Variants in SEMA6A observed in about 807,000 individuals in gnomAD.
SEMA6A encodes the protein semaphorin 6A.
In SEMA6A, 25 loss-of-function variants were observed where a neutral mutation model predicts 96.8. That is an observed-to-expected ratio of 0.26 (90% CI 0.19 to 0.36). SEMA6A has a LOEUF of 0.36. SEMA6A is among the 10% of genes least tolerant of loss of function. The probability of loss-of-function intolerance (pLI) is 1.00; values close to 1 mark genes in which losing one functional copy is unlikely to be tolerated. For missense variants in SEMA6A, 1,363 were observed against 1,323.1 expected (o/e 1.03, Z -0.47); for synonymous variants, 612 against 518.0 (o/e 1.18, Z -2.46).
At chr5:116,512,610 G>GT (rs1430447558) in intron 1 of SEMA6A, among the ~76,000 whole-genome samples, 1 of 152,192 alleles carries the variant, frequency 6.6e-6, no homozygotes, top group Non-Finnish European at 1.5e-5. Context: ...AAGGTTGGTT[G>GT]TATACGTATT....
At position 116,478,646 on chromosome 5, in the gene SEMA6A, TCCCA is replaced by T; in HGVS notation, c.1319_1322del (p.Leu440HisfsTer8). 1 of 1,613,772 alleles carries T rather than the reference TCCCA, an allele frequency of 6.2e-7. No individual in the cohort carries two copies. Among genetic ancestry groups the T allele is most frequent in the Non-Finnish European group, 8.5e-7 (1 of 1,179,832 alleles). On this transcript the variant is annotated frameshift_variant, in exon 13 of 19. Coordinates refer to ENST00000343348, the MANE Select transcript of SEMA6A (RefSeq NM_020796.5). LOFTEE classifies it high-confidence loss of function. ...ACTTCAAGATGATTCCCTTCTCTGA[TCCCA>T]GAAAAACCACAGTGTGATTCTGATA...
intron 13 of SEMA6A, 168 bp from the exon 14 acceptor site, chr5:116,478,322 A>G: frequency 1.3e-6 from 1 of 788,076 alleles, no homozygotes; most frequent in Non-Finnish European, 2.0e-6. Flanking sequence ...ATGTATATGT[A>G]TCTATATAAA....
At chr5:116,483,019 G>T (rs1756866945) in intron 10 of SEMA6A, among the ~76,000 whole-genome samples, 2 of 152,124 alleles carry the variant, frequency 1.3e-5, no homozygotes, top group African/African-American at 4.8e-5. Flanking sequence ...TTTGAATTTG[G>T]TTTTTCGAGC....
At chr5:116,538,840 C>T (rs1759837740) in intron 1 of SEMA6A, among the ~76,000 whole-genome samples, 2 of 152,186 alleles carry the variant, frequency 1.3e-5, no homozygotes, top group African/African-American at 2.4e-5. Flanking sequence ...TGCAATACCC[C>T]TGGCCTATTC....
At chr5:116,535,819 C>CA (rs764997102) in intron 1 of SEMA6A, among the ~76,000 whole-genome samples, 75 of 152,208 alleles carry the variant, frequency 4.9e-4, no homozygotes, top group Non-Finnish European at 7.2e-4. Context: ...TTCAACAATT[C>CA]AGATTTTCAT....
intron 6 of SEMA6A, among the ~76,000 whole-genome samples, chr5:116,495,187 T>C (rs1259535554): frequency 6.6e-6 from 1 of 152,200 alleles, no homozygotes; most frequent in Non-Finnish European, 1.5e-5. Flanking sequence ...TTACAGAAAC[T>C]AACTTTGCTA....
At chr5:116,563,028 C>T (rs1211366013) in intron 1 of SEMA6A, 1 of 482,886 alleles carries the variant, frequency 2.1e-6, no homozygotes, top group Non-Finnish European at 4.0e-6. Flanking sequence ...GACAAGACTC[C>T]TCAAAATATT....
intron 18 of SEMA6A, among the ~76,000 whole-genome samples, chr5:116,452,191 TC>T: frequency 6.6e-6 from 1 of 152,326 alleles, no homozygotes; most frequent in South Asian, 2.1e-4. Context: ...AACCCCTGCA[TC>T]CTCTTCTGCT....
At chr5:116,547,483 TAAGGTGAA>T (rs1433345429) in intron 1 of SEMA6A, among the ~76,000 whole-genome samples, 2 of 152,162 alleles carry the variant, frequency 1.3e-5, no homozygotes, top group Non-Finnish European at 2.9e-5. Context: ...GACACATTAT[TAAGGTGAA>T]AAGGCCAGTA....
At chr5:116,530,254 G>A (rs1759406553) in intron 1 of SEMA6A, among the ~76,000 whole-genome samples, 1 of 152,134 alleles carries the variant, frequency 6.6e-6, no homozygotes, top group Admixed American at 6.5e-5. Context: ...ATTGCTTCCA[G>A]TAATTAGTAA....
At chr5:116,491,668 C>G (rs1757331947) in intron 7 of SEMA6A, 72 bp downstream of exon 7, 1 of 1,140,536 alleles carries the variant, frequency 8.8e-7, no homozygotes, top group Non-Finnish European at 1.3e-6. Context: ...CACGAATCCT[C>G]TAGAGCAGAT....
At chr5:116,520,117 G>C (rs1758864865) in intron 1 of SEMA6A, among the ~76,000 whole-genome samples, 1 of 152,024 alleles carries the variant, frequency 6.6e-6, no homozygotes, top group African/African-American at 2.4e-5. Context: ...CCTGTGCCTT[G>C]CTTTCCTCAA....
chr5:116,470,878 C>G (rs1408067613), intron 17 of SEMA6A, among the ~76,000 whole-genome samples: 1 of 152,178 alleles, frequency 6.6e-6, no homozygotes, highest in Non-Finnish European at 1.5e-5. Context: ...TATATCCATG[C>G]TCATACAATT....
At chr5:116,462,156 C>T (rs154555) in intron 18 of SEMA6A, among the ~76,000 whole-genome samples, 1 of 151,916 alleles carries the variant, frequency 6.6e-6, no homozygotes, top group South Asian at 2.1e-4. Context: ...AAATCCATTA[C>T]ATTTTAAGCA....
intron 1 of SEMA6A, among the ~76,000 whole-genome samples, chr5:116,511,022 A>G (rs1239570917): frequency 1.3e-5 from 2 of 152,206 alleles, no homozygotes; most frequent in African/African-American, 4.8e-5. Context: ...GTAAACTGCA[A>G]TTCAGGGAGG....
chr5:116,496,199 G>A (rs529645534), intron 5 of SEMA6A, 52 bp downstream of exon 5: 1 of 1,459,310 alleles, frequency 6.9e-7, no homozygotes, highest in East Asian at 2.3e-5. Flanking sequence ...GGAGATAACA[G>A]TCAAAAACTT....
chr5:116,469,890 AAT>A (rs1156518518), intron 17 of SEMA6A, among the ~76,000 whole-genome samples: 1 of 152,248 alleles, frequency 6.6e-6, no homozygotes, highest in Non-Finnish European at 1.5e-5. Flanking sequence ...GTTTTACACA[AAT>A]ATGAGAAATC....
intron 1 of SEMA6A, among the ~76,000 whole-genome samples, chr5:116,505,826 C>A (rs185361980): frequency 6.6e-6 from 1 of 151,244 alleles, no homozygotes; most frequent in African/African-American, 2.4e-5. Flanking sequence ...CAGAAAAATT[C>A]TCCTAAATCT....
In SEMA6A at chr5:116,457,502, A is replaced by AAAT. The variant is rs1329396031; in HGVS notation, c.1895-9694_1895-9692dup. 2.6e-5 allele frequency among the ~76,000 whole-genome samples: 4 copies of AAAT among 152,324 alleles called. No homozygotes were observed. The East Asian group carries it at 5.8e-4, about 22-fold the overall frequency. On this transcript the variant is annotated intron_variant, in intron 18 of 18. Coordinates refer to ENST00000343348, the MANE Select transcript of SEMA6A (RefSeq NM_020796.5). ...TTGAAAAGGAATGCATCCTTTTAAA[A>AAAT]AATATGAAATTTAAAAATAATTGGA...
Sources: gnomAD v4.1 joint callset for allele counts (sites outside exome capture counted in the v4.1 genomes callset) on GRCh38, gnomAD v4.1.1 for gene constraint, MANE v1.5 for transcripts, NCBI Gene and HGNC (gene_info 2026-07-23, HGNC 2026-07-21) for gene names.